CCNYL1: variants seen among roughly 807,000 people sequenced by gnomAD.
CCNYL1 encodes cyclin Y like 1.
A neutral mutation model predicts 44.2 loss-of-function variants in CCNYL1; 16 were observed. The ratio of observed to expected loss-of-function variants is 0.36; its 90% CI spans 0.25 to 0.55. The LOEUF is 0.55. Ranked by LOEUF, CCNYL1 falls within the 20% of genes least tolerant of loss-of-function variation. The probability of loss-of-function intolerance (pLI) is 0.85; values close to 1 mark genes in which losing one functional copy is unlikely to be tolerated. For missense variants in CCNYL1, 348 were observed against 451.8 expected, an observed-to-expected ratio of 0.77 and a Z score of 2.08; for synonymous variants, 159 against 163.2, an observed-to-expected ratio of 0.97 and a Z score of 0.20.
At chr2:207,729,567 G>A (rs1263411204) in intron 3 of CCNYL1, among the ~76,000 whole-genome samples, 1 of 152,100 alleles carries the variant, frequency 6.6e-6, no homozygotes, top group Non-Finnish European at 1.5e-5. Flanking sequence ...CAAGGACATT[G>A]GAGGCCAAGC....
At chr2:207,731,015 G>C (rs1483910379) in intron 3 of CCNYL1, among the ~76,000 whole-genome samples, 1 of 152,010 alleles carries the variant, frequency 6.6e-6, no homozygotes, top group African/African-American at 2.4e-5. Flanking sequence ...ACATTTTTTA[G>C]TTATAATAAG....
At chr2:207,715,291 T>C (rs1234236024) in intron 1 of CCNYL1, among the ~76,000 whole-genome samples, 6 of 151,576 alleles carry the variant, frequency 4.0e-5, no homozygotes, top group African/African-American at 9.7e-5. Flanking sequence ...AAACAAAAAA[T>C]TTAGCTTTTC....
In CCNYL1 at chr2:207,724,823, T is replaced by G; in HGVS notation, c.244T>G (p.Ser82Ala). The G allele has an allele frequency of 6.2e-7, 1 of 1,613,762 alleles. No homozygotes were observed. Among genetic ancestry groups the G allele is most frequent in the Non-Finnish European group, 8.5e-7 (1 of 1,179,816 alleles). Residue 82 changes from serine to alanine, a missense_variant, in exon 2 of 10, where the codon TCT becomes GCT. By Grantham distance (99) the Ser-to-Ala change is moderately conservative. This residue lies in a region of CCNYL1 where 209 missense variants were observed against 247.7 expected (regional missense o/e 0.84). Coordinates refer to ENST00000295414, the MANE Select transcript of CCNYL1 (RefSeq NM_001330218.2). The part of the protein sequence containing the change: ...PEDLALESNP[S>A]DHPRASTIFL... ...AGATTTAGCTTTGGAGTCAAACCCT[T>G]CTGACCATCCAAGGGCAAGCACAAT... is the stretch of plus-strand genomic sequence containing the variant.
At chr2:207,742,587 C>G (rs919272496) in intron 7 of CCNYL1, among the ~76,000 whole-genome samples, 3 of 152,150 alleles carry the variant, frequency 2.0e-5, no homozygotes, top group Admixed American at 6.6e-5. Context: ...GGTTTCTCCC[C>G]CTACCCATCA....
At chr2:207,738,323 C>T (rs577077562) in intron 5 of CCNYL1, among the ~76,000 whole-genome samples, 5 of 152,128 alleles carry the variant, frequency 3.3e-5, no homozygotes, top group African/African-American at 1.2e-4. Context: ...CAAGTTCAAG[C>T]GATTCTCCTG....
intron 1 of CCNYL1, among the ~76,000 whole-genome samples, chr2:207,716,316 C>T (rs1201746143): frequency 6.7e-6 from 1 of 149,864 alleles, no homozygotes. Flanking sequence ...TTTCCTCTTT[C>T]CAGTAGCTAT....
chr2:207,715,331 A>G (rs1356133488), intron 1 of CCNYL1, among the ~76,000 whole-genome samples: 1 of 151,818 alleles, frequency 6.6e-6, no homozygotes, highest in East Asian at 1.9e-4. Flanking sequence ...TGTTACTTAG[A>G]CAAAAATCAT....
chr2:207,730,579 G>A (rs1369032214), intron 3 of CCNYL1, among the ~76,000 whole-genome samples: 1 of 152,002 alleles, frequency 6.6e-6, no homozygotes, highest in Non-Finnish European at 1.5e-5. Flanking sequence ...CCAACATGTT[G>A]AAACTCCGTT....
At chr2:207,729,255 C>CA (rs1290984334) in intron 3 of CCNYL1, among the ~76,000 whole-genome samples, 1 of 104,612 alleles carries the variant, frequency 9.6e-6, no homozygotes, top group African/African-American at 5.0e-5. Context: ...TCTCCGCCCC[C>CA]CCCCGCCCCC....
chr2:207,726,964 A>G (rs542688035), intron 3 of CCNYL1, 88 bp downstream of exon 3: 650 of 872,684 alleles, frequency 7.4e-4, no homozygotes, highest in Non-Finnish European at 1.0e-3. Context: ...TGGGGACCCA[A>G]TACTGTTAGT....
chr2:207,752,759 G>A (rs2091902988), intron 9 of CCNYL1, among the ~76,000 whole-genome samples: 1 of 151,836 alleles, frequency 6.6e-6, no homozygotes, highest in Non-Finnish European at 1.5e-5. Flanking sequence ...CCTGAGAGTG[G>A]CTCATGCCTC....
At chr2:207,738,931 G>A (rs2091787008) in intron 5 of CCNYL1, among the ~76,000 whole-genome samples, 1 of 151,982 alleles carries the variant, frequency 6.6e-6, no homozygotes, top group Non-Finnish European at 1.5e-5. Context: ...TGTTGCCCAG[G>A]CTGGTCTTGA....
rs1322024202 is a variant in CCNYL1 at position 207,754,729 on chromosome 2, C to G, written c.*1031C>G. On this transcript the variant is annotated 3_prime_UTR_variant, in exon 10 of 10. Transcript: ENST00000295414. The stretch of plus-strand genomic sequence containing the variant: ...TGCACTCACTGCAGCCTAGAACTTC[C>G]TGGTCTCAAGCCATCCTCTAGCCTC... 6.5e-6 allele frequency: 1 copy of G among 154,186 alleles called. No homozygotes were observed. Among genetic ancestry groups the G allele is most frequent in the African/African-American group, 2.4e-5 (1 of 41,508 alleles). 9.6% of individuals were successfully genotyped at this position (154,186 alleles called of 1,614,324 possible).
At chr2:207,716,977 C>T (rs1390931293) in intron 1 of CCNYL1, among the ~76,000 whole-genome samples, 2 of 151,864 alleles carry the variant, frequency 1.3e-5, no homozygotes, top group Non-Finnish European at 2.9e-5. Flanking sequence ...GGCGTGGTGG[C>T]GGGCGCCTGT....
At chr2:207,740,105 A>G (rs1379475765) in intron 5 of CCNYL1, among the ~76,000 whole-genome samples, 2 of 152,222 alleles carry the variant, frequency 1.3e-5, no homozygotes, top group Non-Finnish European at 1.5e-5. Context: ...GTTTTATTAA[A>G]TGAGCACAAT....
chr2:207,739,537 T>C (rs1192581412), intron 5 of CCNYL1, among the ~76,000 whole-genome samples: 1 of 152,198 alleles, frequency 6.6e-6, no homozygotes, highest in Non-Finnish European at 1.5e-5. Context: ...GCCACTTCTT[T>C]CATTTTTGAG....
At chr2:207,735,738 G>A (rs1371223249) in intron 4 of CCNYL1, among the ~76,000 whole-genome samples, 2 of 152,040 alleles carry the variant, frequency 1.3e-5, no homozygotes, top group African/African-American at 4.8e-5. Flanking sequence ...GTGGTGGCGT[G>A]CACCTGTAAT....
At chr2:207,724,736 C>A (rs1381006612) in intron 1 of CCNYL1, 64 bp from the exon 2 acceptor site, 1 of 1,139,914 alleles carries the variant, frequency 8.8e-7, no homozygotes, top group Admixed American at 1.8e-5. Flanking sequence ...GGATGTGTAT[C>A]TATTTCAGAA....
chr2:207,745,157 T>C (rs1226300717), intron 7 of CCNYL1, among the ~76,000 whole-genome samples: 7 of 152,094 alleles, frequency 4.6e-5, no homozygotes, highest in African/African-American at 1.4e-4. Context: ...CATGATGCTT[T>C]GAGCAAATGA....
Sources: gnomAD v4.1 joint callset for allele counts (sites outside exome capture counted in the v4.1 genomes callset) on GRCh38, gnomAD v4.1.1 for gene constraint, gnomAD v4.1.1 regional missense constraint, MANE v1.5 for transcripts, NCBI Gene and HGNC (gene_info 2026-07-23, HGNC 2026-07-21) for gene names.